Variants in ANKRD33B observed in about 807,000 individuals in gnomAD.
ANKRD33B encodes the protein ankyrin repeat domain-containing protein 33B.
In ANKRD33B, 6 loss-of-function variants were observed where a neutral mutation model predicts 21.5. The ratio of observed to expected loss-of-function variants is 0.28; its 90% confidence interval spans 0.15 to 0.55. ANKRD33B has a LOEUF of 0.55. Ranked by LOEUF, ANKRD33B falls within the 20% of genes least tolerant of loss-of-function variation. ANKRD33B has a pLI of 0.94. For missense variants in ANKRD33B, 698 were observed against 747.2 expected (o/e 0.93, Z 0.77); for synonymous variants, 347 against 342.4 (o/e 1.01, Z -0.15).
In ANKRD33B at chr5:10,619,503, G is replaced by A; in HGVS notation, c.496+1041G>A. ...GTGGATCTGATGGGTGGGGGGCCAGGGAGGCTGGAAAACCAGTGTTTGACA... is the reference window on the plus strand; with the variant it reads ...GTGGATCTGATGGGTGGGGGGCCAGAGAGGCTGGAAAACCAGTGTTTGACA... On this transcript the variant is annotated intron_variant, in intron 2 of 3. Coordinates refer to ENST00000296657, the MANE Select transcript of ANKRD33B (RefSeq NM_001164440.2). This position sits in a 1 kb window ranked among gnomAD's most constrained non-coding sequence, Gnocchi z 4.5. 2.1e-6 allele frequency: 1 copy of A among 472,102 alleles called. No homozygotes were observed. Among genetic ancestry groups the A allele is most frequent in the Non-Finnish European group, 2.8e-6 (1 of 361,008 alleles). 29.2% of individuals were successfully genotyped at this position (472,102 alleles called of 1,614,324 possible).
intron 1 of ANKRD33B, among the ~76,000 whole-genome samples, chr5:10,583,200 T>C (rs2126554201): frequency 6.6e-6 from 1 of 152,218 alleles, no homozygotes; most frequent in Admixed American, 6.5e-5. Context: ...GTTTTCCCCA[T>C]GTTGGCCAGG....
intron 2 of ANKRD33B, among the ~76,000 whole-genome samples, chr5:10,636,831 A>G (rs1736878178): frequency 6.6e-6 from 1 of 152,164 alleles, no homozygotes; most frequent in South Asian, 2.1e-4. Context: ...GTGAAGTCTG[A>G]GCTTCGGGGA....
intron 2 of ANKRD33B, among the ~76,000 whole-genome samples, chr5:10,637,612 G>C (rs1475839867): frequency 6.6e-6 from 1 of 152,040 alleles, no homozygotes; most frequent in Admixed American, 6.5e-5. Flanking sequence ...CTTGGAAGCG[G>C]TTCTGAAGCT....
chr5:10,649,281 C>T lies in ANKRD33B; in HGVS notation c.653C>T (p.Ala218Val). ...ALMLAGADVH[A>V]RDPRRGMSPQ... is the part of the protein sequence containing the mutation. ...CGTTTTGCAGGGGCGGATGTCCACG[C>T]GAGGGACCCCCGCCGTGGGATGTCG... Residue 218 changes from alanine to valine, a missense_variant, in exon 4 of 4, where the codon GCG becomes GTG. By Grantham distance (64) the Ala-to-Val change is moderately conservative (BLOSUM62 0). This residue lies in a region of ANKRD33B where 543 missense variants were observed against 566.5 expected (regional missense o/e 0.96). Coordinates refer to ENST00000296657, the MANE Select transcript of ANKRD33B (RefSeq NM_001164440.2). 6.6e-7 allele frequency: 1 copy of T among 1,525,092 alleles called. No individual in the cohort carries two copies. The allele number at this position is 1,525,092 out of a possible 1,614,324, so 94.5% of individuals were successfully genotyped here. A position where few individuals can be genotyped will look rare whatever the true frequency, so the allele number is the denominator to read the frequency against.
At chr5:10,591,709 G>T (rs1025653813) in intron 1 of ANKRD33B, among the ~76,000 whole-genome samples, 7 of 151,978 alleles carry the variant, frequency 4.6e-5, no homozygotes, top group African/African-American at 1.7e-4. Context: ...TATTTTACAT[G>T]TATTTACTGG....
At chr5:10,602,567 C>T (rs1230994165) in intron 1 of ANKRD33B, among the ~76,000 whole-genome samples, 1 of 152,210 alleles carries the variant, frequency 6.6e-6, no homozygotes, top group East Asian at 1.9e-4. Flanking sequence ...TTTTATTTCT[C>T]ATGAATAGAA....
chr5:10,582,202 TG>T (rs1415479170), intron 1 of ANKRD33B, among the ~76,000 whole-genome samples: 1 of 152,246 alleles, frequency 6.6e-6, no homozygotes. Flanking sequence ...GCCCTATGTC[TG>T]ATGTAACACT....
chr5:10,606,718 G>A (rs1445295832), intron 1 of ANKRD33B, among the ~76,000 whole-genome samples: 3 of 151,130 alleles, frequency 2.0e-5, no homozygotes, highest in Non-Finnish European at 3.0e-5. Context: ...TGGCGACAGA[G>A]CAAGACTCTG....
At chr5:10,581,578 A>T (rs890948778) in intron 1 of ANKRD33B, among the ~76,000 whole-genome samples, 1 of 152,066 alleles carries the variant, frequency 6.6e-6, no homozygotes, top group Non-Finnish European at 1.5e-5. Flanking sequence ...ACTCCCTGTC[A>T]TGGTTAGTTT....
At chr5:10,581,406 C>T (rs934058386) in intron 1 of ANKRD33B, among the ~76,000 whole-genome samples, 4 of 152,340 alleles carry the variant, frequency 2.6e-5, no homozygotes, top group East Asian at 1.9e-4. Context: ...TCGCCAACAC[C>T]GTGGCTCCTA....
At chr5:10,640,781 G>A (rs11133618) in intron 3 of ANKRD33B, among the ~76,000 whole-genome samples, 63,775 of 152,064 alleles carry the variant, frequency 0.42, 13,662 homozygotes, top group Middle Eastern at 0.56. Flanking sequence ...TGTGTAATTT[G>A]TAACTGTAGA....
chr5:10,594,085 T>C (rs760308172), intron 1 of ANKRD33B, among the ~76,000 whole-genome samples: 1 of 152,206 alleles, frequency 6.6e-6, no homozygotes, highest in Non-Finnish European at 1.5e-5. Flanking sequence ...ATTCTCTTCA[T>C]TGTCACAGAC....
At chr5:10,607,616 T>G (rs978727611) in intron 1 of ANKRD33B, among the ~76,000 whole-genome samples, 3 of 152,218 alleles carry the variant, frequency 2.0e-5, no homozygotes, top group Non-Finnish European at 2.9e-5. Context: ...AAAAAAGACT[T>G]TGTGTGTGTA....
intron 1 of ANKRD33B, 113 bp from the exon 2 acceptor site, chr5:10,618,220 T>C (rs1374279793): frequency 7.2e-7 from 1 of 1,386,336 alleles, no homozygotes; most frequent in Non-Finnish European, 9.7e-7. Flanking sequence ...CAGGTCCCTG[T>C]CATTGCCTTG....
intron 1 of ANKRD33B, among the ~76,000 whole-genome samples, chr5:10,601,830 C>G (rs1278730352): frequency 1.3e-5 from 2 of 152,228 alleles, no homozygotes; most frequent in Non-Finnish European, 2.9e-5. Context: ...ATCTCGAGAT[C>G]TGCCCTTCTC....
At chr5:10,630,746 G>A (rs1020633773) in intron 2 of ANKRD33B, among the ~76,000 whole-genome samples, 1 of 152,136 alleles carries the variant, frequency 6.6e-6, no homozygotes, top group Non-Finnish European at 1.5e-5. Flanking sequence ...GGTGGCTCAT[G>A]CCTAGAATCC....
Position 10,583,449 on chromosome 5 carries a change from G to A in ANKRD33B, c.366+18616G>A, listed in dbSNP as rs544756714. On this transcript the variant is annotated intron_variant, in intron 1 of 3. Transcript: ENST00000296657. ...TGCTGTGGGAACCCGTCCTGTGCATGGCAAGGTGCTGAGTAGCATCCCTGG... is the reference window on the plus strand; with the variant it reads ...TGCTGTGGGAACCCGTCCTGTGCATAGCAAGGTGCTGAGTAGCATCCCTGG... Among the ~76,000 whole-genome samples the A allele has an allele frequency of 3.0e-4, 46 of 152,298 alleles. 1 individual carries two copies. The highest frequency in any genetic ancestry group is 1.0e-3 in the African/African-American group (42 of 41,556).
intron 1 of ANKRD33B, among the ~76,000 whole-genome samples, chr5:10,616,562 C>G (rs1209381151): frequency 3.8e-4 from 1 of 2,602 alleles, no homozygotes; most frequent in Non-Finnish European, 1.0e-3. Flanking sequence ...GAAACTCTGT[C>G]TCAAAAAAAA....
At chr5:10,593,509 T>C (rs1196269548) in intron 1 of ANKRD33B, among the ~76,000 whole-genome samples, 1 of 152,156 alleles carries the variant, frequency 6.6e-6, no homozygotes, top group Non-Finnish European at 1.5e-5. Context: ...ACTTGCCTTG[T>C]ACTGTACCTC....
Sources: gnomAD v4.1 joint callset for allele counts (sites outside exome capture counted in the v4.1 genomes callset) on GRCh38, gnomAD v4.1.1 for gene constraint, gnomAD v4.1.1 regional missense constraint, Gnocchi (gnomAD v3.1) non-coding constraint, MANE v1.5 for transcripts, NCBI Gene and HGNC (gene_info 2026-07-23, HGNC 2026-07-21) for gene names.